Variants in TBC1D8 observed in about 807,000 individuals in gnomAD.
TBC1D8 encodes TBC1 domain family member 8.
In TBC1D8, 65 loss-of-function variants were observed where a neutral mutation model predicts 118.8. That is an observed-to-expected ratio of 0.55 (90% confidence interval 0.45 to 0.67). The LOEUF (loss-of-function observed/expected upper bound fraction) is 0.67. Among genes scored for constraint, TBC1D8 ranks in the 30% least tolerant of loss-of-function variants. The probability of loss-of-function intolerance (pLI) is 0.00; values close to 1 mark genes in which losing one functional copy is unlikely to be tolerated. For synonymous variants in TBC1D8, 566 were observed against 595.8 expected, an observed-to-expected ratio of 0.95 and a Z score of 0.73; for missense variants, 1,376 against 1,471.2, an observed-to-expected ratio of 0.94 and a Z score of 1.06.
rs190257780 is a variant in TBC1D8, at chr2:101,036,004, C to T, written c.1603+14G>A. 6.2e-7 allele frequency: 1 copy of T among 1,613,480 alleles called. No individual in the cohort carries two copies. Among genetic ancestry groups the T allele is most frequent in the South Asian group, 1.1e-5 (1 of 91,066 alleles). On this transcript the variant is annotated intron_variant, in intron 9 of 19. Transcript: ENST00000409318. The stretch of plus-strand genomic sequence containing the variant: ...AAAAAGAACAATTAGCTTCGAGACA[C>T]CAAGAGCGCTTACCTGAGAAGAGAA...
chr2:101,040,834 A>C (rs758662445), intron 5 of TBC1D8, among the ~76,000 whole-genome samples: 10 of 152,376 alleles, frequency 6.6e-5, no homozygotes, highest in Middle Eastern at 3.4e-3. Context: ...GGCACCATGC[A>C]TGTCCTGTGC....
At chr2:101,109,734 C>T (rs890047779) in intron 1 of TBC1D8, 2 of 955,062 alleles carry the variant, frequency 2.1e-6, no homozygotes, top group African/African-American at 3.5e-5. Context: ...TGCCGGGCCT[C>T]CCCAGCCCTG....
intron 1 of TBC1D8, among the ~76,000 whole-genome samples, chr2:101,114,341 G>A (rs1677729867): frequency 6.7e-6 from 1 of 149,604 alleles, no homozygotes; most frequent in Non-Finnish European, 1.5e-5. Flanking sequence ...AAGGGTAAGG[G>A]CTGGGATCCT....
intron 2 of TBC1D8, among the ~76,000 whole-genome samples, chr2:101,070,223 T>C (rs994572191): frequency 3.9e-5 from 6 of 151,932 alleles, no homozygotes; most frequent in Non-Finnish European, 8.8e-5. Context: ...GGCCTACATT[T>C]TTATTAAAAA....
At chr2:101,092,453 A>T (rs1282732376) in intron 1 of TBC1D8, among the ~76,000 whole-genome samples, 1 of 152,210 alleles carries the variant, frequency 6.6e-6, no homozygotes, top group African/African-American at 2.4e-5. Context: ...CTTTGAAATT[A>T]ACGAGTATTC....
At position 101,018,250 on chromosome 2, in the gene TBC1D8, GAA is replaced by G. The variant is rs200248648; in HGVS notation, c.2827+3429_2827+3430del. On this transcript the variant is annotated intron_variant, in intron 17 of 19. Coordinates refer to ENST00000409318, the MANE Select transcript of TBC1D8 (RefSeq NM_001330348.2). ...AAACATTTGTGACCTCCTTTTTTCCGAAGTTTAATTTTTGCTTTGAATTCATA... is the reference window on the plus strand; with the variant it reads ...AAACATTTGTGACCTCCTTTTTTCCGGTTTAATTTTTGCTTTGAATTCATA... 93 of 221,358 alleles carry G rather than the reference GAA, an allele frequency of 4.2e-4. 1 individual carries two copies. In the Middle Eastern group the frequency reaches 7.7e-3, roughly 18 times the overall value. 13.7% of individuals were successfully genotyped at this position (221,358 alleles called of 1,614,324 possible). A position where few individuals can be genotyped will look rare whatever the true frequency, so the allele number is the denominator to read the frequency against.
intron 17 of TBC1D8, among the ~76,000 whole-genome samples, chr2:101,016,988 A>G (rs1679696570): frequency 6.6e-6 from 1 of 152,028 alleles, no homozygotes; most frequent in Non-Finnish European, 1.5e-5. Flanking sequence ...TGACGAGTTA[A>G]TGGGTGCAGC....
At chr2:101,022,170 T>C in intron 16 of TBC1D8, 111 bp downstream of exon 16, 2 of 1,520,146 alleles carry the variant, frequency 1.3e-6, no homozygotes, top group Non-Finnish European at 1.8e-6. Flanking sequence ...GTCAGGCCAG[T>C]CACAAAAGTG....
chr2:101,007,604 A>C lies in TBC1D8; in HGVS notation c.*217T>G. On this transcript the variant is annotated 3_prime_UTR_variant, in exon 20 of 20. Coordinates refer to ENST00000409318, the MANE Select transcript of TBC1D8 (RefSeq NM_001330348.2). ...CGGTAAAAATTGTAAGTTGGCATCA[A>C]GGGAACCAATGGATACCTTAGGGCA... 1 of 547,380 alleles carries C rather than the reference A, an allele frequency of 1.8e-6. No individual in the cohort carries two copies. Among genetic ancestry groups the C allele is most frequent in the Non-Finnish European group, 3.2e-6 (1 of 312,298 alleles). 33.9% of individuals were successfully genotyped at this position (547,380 alleles called of 1,614,324 possible).
intron 1 of TBC1D8, among the ~76,000 whole-genome samples, chr2:101,143,127 A>C (rs1317892469): frequency 2.1e-5 from 3 of 145,492 alleles, no homozygotes; most frequent in African/African-American, 7.7e-5. Flanking sequence ...CAATGGCGAG[A>C]TCTCGGCTCA....
intron 1 of TBC1D8, among the ~76,000 whole-genome samples, chr2:101,111,585 T>C (rs1246720149): frequency 2.0e-5 from 3 of 152,174 alleles, no homozygotes; most frequent in Non-Finnish European, 2.9e-5. Flanking sequence ...ATGGGAATGA[T>C]GACATCCACA....
chr2:101,056,357 C>G (rs1682433409), intron 3 of TBC1D8, among the ~76,000 whole-genome samples: 1 of 116,486 alleles, frequency 8.6e-6, no homozygotes, highest in Admixed American at 8.2e-5. Context: ...GTGCCTGCCA[C>G]CATGCCTGGC....
chr2:101,109,746 C>A (rs997142482), intron 1 of TBC1D8: 6 of 975,762 alleles, frequency 6.1e-6, no homozygotes, highest in Non-Finnish European at 7.3e-6. Flanking sequence ...CCAGCCCTGG[C>A]TCCAGAGCCC....
chr2:101,038,526 C>T lies in TBC1D8; in HGVS notation c.1210G>A (p.Ala404Thr), dbSNP rs1681176331. The T allele has an allele frequency of 6.2e-7, 1 of 1,613,818 alleles. No individual in the cohort carries two copies. The highest frequency in any genetic ancestry group is 8.5e-7 in the Non-Finnish European group (1 of 1,179,866). ...DRDSLVEALLARLKQVHANHP... is the reference protein window; with the variant it reads ...DRDSLVEALLTRLKQVHANHP... ...TTGGCGTGGACCTGCTTCAACCTCG[C>T]AAGCAGCGCCTCCACCAGGCTGTCT... The change falls in exon 7 of 20, where the codon GCG becomes ACG. Residue 404 changes from alanine to threonine, a missense_variant. Physicochemically the swap from Ala to Thr is moderately conservative, Grantham distance 58. Coordinates refer to ENST00000409318, the MANE Select transcript of TBC1D8 (RefSeq NM_001330348.2).
At chr2:101,111,030 C>T (rs7601088) in intron 1 of TBC1D8, among the ~76,000 whole-genome samples, 22,286 of 148,820 alleles carry the variant, frequency 0.15, 1,830 homozygotes, top group Middle Eastern at 0.24. Flanking sequence ...CTTTTATTCA[C>T]GAAAAGTCAC....
intron 5 of TBC1D8, among the ~76,000 whole-genome samples, chr2:101,042,768 G>A (rs1681461699): frequency 6.6e-6 from 1 of 151,156 alleles, no homozygotes; most frequent in Non-Finnish European, 1.5e-5. Flanking sequence ...AAAAACCTTA[G>A]CTATTTTCTT....
chr2:101,132,743 C>T (rs1345499727), intron 1 of TBC1D8, among the ~76,000 whole-genome samples: 1 of 151,976 alleles, frequency 6.6e-6, no homozygotes, highest in African/African-American at 2.4e-5. Context: ...GATATGCCAC[C>T]ATGCCCGGCT....
intron 17 of TBC1D8, chr2:101,017,732 AG>A: frequency 9.9e-7 from 1 of 1,005,126 alleles, no homozygotes; most frequent in Non-Finnish European, 1.5e-6. Context: ...ACTTTATCAC[AG>A]GCAAGATAGG....
At chr2:101,054,999 A>T (rs1015896033) in intron 3 of TBC1D8, among the ~76,000 whole-genome samples, 3 of 151,922 alleles carry the variant, frequency 2.0e-5, no homozygotes, top group African/African-American at 7.3e-5. Context: ...ATCATTTTCT[A>T]AATCTTCCCT....
Sources: gnomAD v4.1 joint callset for allele counts (sites outside exome capture counted in the v4.1 genomes callset) on GRCh38, gnomAD v4.1.1 for gene constraint, MANE v1.5 for transcripts, NCBI Gene and HGNC (gene_info 2026-07-23, HGNC 2026-07-21) for gene names.